The following MCTP1 variants were observed in gnomAD, a reference collection of about 807,000 sequenced individuals.
MCTP1 encodes multiple C2 and transmembrane domain containing 1.
A neutral mutation model predicts 120.6 loss-of-function variants in MCTP1; 69 were observed. The ratio of observed to expected loss-of-function variants is 0.57; its 90% confidence interval spans 0.47 to 0.70. MCTP1 has a LOEUF of 0.70. MCTP1 is among the 30% of genes least tolerant of loss of function. MCTP1 has a pLI of 0.00. For missense variants in MCTP1, 1,203 were observed against 1,248.8 expected, an observed-to-expected ratio of 0.96 and a Z score of 0.55; for synonymous variants, 529 against 493.1, an observed-to-expected ratio of 1.07 and a Z score of -0.96.
At chr5:95,211,822 T>C (rs1351146137) in intron 1 of MCTP1, among the ~76,000 whole-genome samples, 1 of 152,216 alleles carries the variant, frequency 6.6e-6, no homozygotes, top group Non-Finnish European at 1.5e-5. Context: ...ACTTTTGGTC[T>C]TTGATGATGG....
intron 8 of MCTP1, among the ~76,000 whole-genome samples, chr5:94,915,316 A>G (rs755610158): frequency 3.9e-5 from 6 of 152,174 alleles, no homozygotes; most frequent in South Asian, 2.1e-4. Flanking sequence ...AGCTTCCCCA[A>G]TACAAGTGTT....
chr5:95,245,407 C>T (rs948793470), intron 1 of MCTP1, among the ~76,000 whole-genome samples: 2 of 152,088 alleles, frequency 1.3e-5, no homozygotes, highest in East Asian at 1.9e-4. Context: ...TCTAACCCAT[C>T]GCAAGGAAAC....
chr5:95,010,690 A>T (rs1341787269), intron 2 of MCTP1, among the ~76,000 whole-genome samples: 2 of 152,152 alleles, frequency 1.3e-5, no homozygotes, highest in Admixed American at 1.3e-4. Context: ...CTTCATTCCC[A>T]CAAAGTAATA....
intron 10 of MCTP1, among the ~76,000 whole-genome samples, chr5:94,906,391 T>C (rs189937861): frequency 1.1e-3 from 171 of 152,006 alleles, no homozygotes; most frequent in African/African-American, 3.9e-3. Flanking sequence ...GAGGCTGAGG[T>C]GGGAGGATCG....
intron 2 of MCTP1, among the ~76,000 whole-genome samples, chr5:94,953,846 C>A (rs369144405): frequency 1.9e-5 from 1 of 52,006 alleles, no homozygotes; most frequent in African/African-American, 9.1e-5. Flanking sequence ...TATATATACA[C>A]AACTATATAT....
chr5:94,715,473 A>G (rs1468643849), intron 19 of MCTP1, among the ~76,000 whole-genome samples: 1 of 152,076 alleles, frequency 6.6e-6, no homozygotes, highest in Non-Finnish European at 1.5e-5. Flanking sequence ...CTTAAAAATA[A>G]TAGTCTAGTC....
chr5:95,208,045 G>C (rs188441021), intron 1 of MCTP1, among the ~76,000 whole-genome samples: 1 of 151,940 alleles, frequency 6.6e-6, no homozygotes, highest in East Asian at 1.9e-4. Context: ...GAGAGCAAGA[G>C]AGAGAGTCAC....
At chr5:95,073,697 C>T (rs998513397) in intron 1 of MCTP1, among the ~76,000 whole-genome samples, 3 of 152,188 alleles carry the variant, frequency 2.0e-5, no homozygotes, top group South Asian at 2.1e-4. Context: ...CACAGGAGCT[C>T]AGGTGCCTCC....
chr5:94,901,627 C>A (rs1231074416), intron 10 of MCTP1, among the ~76,000 whole-genome samples: 1 of 151,508 alleles, frequency 6.6e-6, no homozygotes, highest in African/African-American at 2.4e-5. Flanking sequence ...AAAAAAAAAA[C>A]TATATACATT....
At chr5:94,936,777 G>T (rs988019191) in intron 5 of MCTP1, among the ~76,000 whole-genome samples, 1 of 151,948 alleles carries the variant, frequency 6.6e-6, no homozygotes, top group African/African-American at 2.4e-5. Flanking sequence ...ATGTGTTTTT[G>T]GGCATTTTCA....
At chr5:95,076,763 A>G (rs1308349881) in intron 1 of MCTP1, among the ~76,000 whole-genome samples, 1 of 152,194 alleles carries the variant, frequency 6.6e-6, no homozygotes, top group Admixed American at 6.5e-5. Flanking sequence ...TATTTTGTTT[A>G]GGGGTGGGGG....
intron 19 of MCTP1, among the ~76,000 whole-genome samples, chr5:94,734,338 G>T (rs777204016): frequency 5.9e-5 from 9 of 152,094 alleles, no homozygotes; most frequent in Non-Finnish European, 1.0e-4. Flanking sequence ...TGGAAAACTT[G>T]GAAAATAAAC....
At chr5:94,712,825 CAG>C (rs1373482231) in intron 20 of MCTP1, among the ~76,000 whole-genome samples, 2 of 151,806 alleles carry the variant, frequency 1.3e-5, no homozygotes, top group African/African-American at 2.4e-5. Context: ...TGGCTCAGCT[CAG>C]AGTCATCCAT....
At chr5:94,970,660 A>AT (rs1325892238) in intron 2 of MCTP1, among the ~76,000 whole-genome samples, 10 of 151,740 alleles carry the variant, frequency 6.6e-5, no homozygotes, top group Non-Finnish European at 4.4e-5. Flanking sequence ...AGTACTATTA[A>AT]TTTTTTTTAC....
At chr5:95,060,509 T>C (rs1748671112) in intron 1 of MCTP1, among the ~76,000 whole-genome samples, 1 of 152,162 alleles carries the variant, frequency 6.6e-6, no homozygotes. Context: ...TGAAAAAAGT[T>C]TTTTTAAAAA....
rs184496941 is a variant in MCTP1, at chr5:95,007,642, T to A, written c.838+9725A>T. ...GTTTTATCAAATTGAATTGCTTTTT[T>A]AAAAATGTCCTACAATTTATTTTTC... is the stretch of plus-strand genomic sequence containing the variant. On this transcript the variant is annotated intron_variant, in intron 2 of 22. Coordinates refer to ENST00000515393, the MANE Select transcript of MCTP1 (RefSeq NM_024717.7). 6.1e-4 allele frequency among the ~76,000 whole-genome samples: 93 copies of A among 152,312 alleles called. 1 individual carries two copies. Among genetic ancestry groups the A allele is most frequent in the Non-Finnish European group, 4.6e-4 (31 of 68,022 alleles).
intron 1 of MCTP1, among the ~76,000 whole-genome samples, chr5:95,244,387 C>T (rs866778969): frequency 2.0e-4 from 30 of 152,298 alleles, no homozygotes; most frequent in Admixed American, 9.8e-4. Context: ...TCACCTCACC[C>T]GGGAAGCACA....
rs1405816916 is a variant in MCTP1 at position 94,705,508 on chromosome 5, A to G, written c.*1988T>C. Reference sequence around the variant, plus strand: ...ATCCCTCATCAATCTCTGAACCACCAAAAAAAAAAAAAAAAGGAGTGCTGA... The same window carrying G: ...ATCCCTCATCAATCTCTGAACCACCGAAAAAAAAAAAAAAAGGAGTGCTGA... On this transcript the variant is annotated 3_prime_UTR_variant, in exon 23 of 23. Transcript: ENST00000515393. 2 of 32,500 alleles carry G rather than the reference A, an allele frequency of 6.2e-5. No homozygotes were observed. Among genetic ancestry groups the G allele is most frequent in the African/African-American group, 2.3e-4 (2 of 8,810 alleles). The allele number at this position is 32,500 out of a possible 1,614,324, so 2.0% of individuals were successfully genotyped here.
At chr5:95,211,767 C>G (rs1284331739) in intron 1 of MCTP1, among the ~76,000 whole-genome samples, 1 of 152,120 alleles carries the variant, frequency 6.6e-6, no homozygotes, top group Non-Finnish European at 1.5e-5. Flanking sequence ...TTTAGAGTTT[C>G]CAGTTTTTTC....
Sources: gnomAD v4.1 joint callset for allele counts (sites outside exome capture counted in the v4.1 genomes callset) on GRCh38, gnomAD v4.1.1 for gene constraint, MANE v1.5 for transcripts, NCBI Gene and HGNC (gene_info 2026-07-23, HGNC 2026-07-21) for gene names.